Variants in EYA4 observed in about 807,000 individuals in gnomAD.
The protein encoded by EYA4 is EYA transcriptional coactivator and phosphatase 4.
EYA4 carries 31 observed loss-of-function variants against 87.9 expected under a neutral mutation model. The observed-to-expected ratio is 0.35, with a 90% CI of 0.27 to 0.48. The LOEUF is 0.48. Ranked by LOEUF, EYA4 falls within the 20% of genes least tolerant of loss-of-function variation. The probability of loss-of-function intolerance (pLI) is 0.99; values close to 1 mark genes in which losing one functional copy is unlikely to be tolerated. For missense variants in EYA4, 678 were observed against 761.4 expected (o/e 0.89, Z 1.29); for synonymous variants, 263 against 270.6 (o/e 0.97, Z 0.28).
intron 1 of EYA4, among the ~76,000 whole-genome samples, chr6:133,264,808 G>A (rs1262598846): frequency 6.6e-6 from 1 of 152,084 alleles, no homozygotes. Context: ...AGCATGCCTG[G>A]ACAACCTAGG....
intron 14 of EYA4, chr6:133,510,709 G>T: frequency 6.0e-6 from 1 of 167,614 alleles, no homozygotes; most frequent in Non-Finnish European, 1.3e-5. Flanking sequence ...TCCTTGGGCA[G>T]TCTCTGCACT....
intron 2 of EYA4, among the ~76,000 whole-genome samples, chr6:133,292,369 A>G (rs1325952938): frequency 3.9e-5 from 6 of 152,098 alleles, no homozygotes; most frequent in Non-Finnish European, 7.4e-5. Context: ...TGCCAGAGTA[A>G]TTTTTCTTCT....
chr6:133,244,627 TAAA>T (rs5880167), intron 1 of EYA4, among the ~76,000 whole-genome samples: 2 of 145,504 alleles, frequency 1.4e-5, no homozygotes, highest in African/African-American at 2.5e-5. Context: ...CTCTTTGGGT[TAAA>T]AAAAAAAAAG....
chr6:133,253,862 G>C (rs1397315008), intron 1 of EYA4, among the ~76,000 whole-genome samples: 2 of 152,074 alleles, frequency 1.3e-5, no homozygotes, highest in African/African-American at 4.8e-5. Context: ...TCACAGAGGG[G>C]AGAGATCATA....
At chr6:133,348,405 C>T (rs983102491) in intron 2 of EYA4, among the ~76,000 whole-genome samples, 2 of 151,452 alleles carry the variant, frequency 1.3e-5, no homozygotes, top group African/African-American at 4.9e-5. Context: ...TCCTGAGTAG[C>T]TGGCATGCGC....
intron 3 of EYA4, among the ~76,000 whole-genome samples, chr6:133,385,389 C>CTGTGTGTG (rs1189948869): frequency 8.2e-4 from 53 of 64,914 alleles, no homozygotes; most frequent in African/African-American, 1.8e-3. Context: ...TGTATGCTCT[C>CTGTGTGTG]TCTGTGTGTG....
intron 2 of EYA4, among the ~76,000 whole-genome samples, chr6:133,358,751 A>T (rs1241508453): frequency 6.6e-6 from 1 of 152,224 alleles, no homozygotes; most frequent in African/African-American, 2.4e-5. Flanking sequence ...ATGGACATAC[A>T]GAGTGTATGA....
intron 5 of EYA4, among the ~76,000 whole-genome samples, chr6:133,455,039 G>A (rs78044940): frequency 6.8e-4 from 103 of 152,266 alleles, no homozygotes; most frequent in African/African-American, 2.5e-3. Flanking sequence ...AATGGTTATA[G>A]TGATTTGTAT....
chr6:133,376,762 T>C (rs1431223536), intron 2 of EYA4, among the ~76,000 whole-genome samples: 1 of 152,044 alleles, frequency 6.6e-6, no homozygotes, highest in South Asian at 2.1e-4. Flanking sequence ...GAAATTATGG[T>C]ATTTTCTACA....
rs893086291 is a variant in EYA4, at chr6:133,424,841, C to T, written c.84-21789C>T. Among the ~76,000 whole-genome samples the T allele has an allele frequency of 3.3e-5, 5 of 150,914 alleles. No homozygotes were observed. The South Asian group carries it at 8.4e-4, about 25-fold the overall frequency. On this transcript the variant is annotated intron_variant, in intron 3 of 19. Coordinates refer to ENST00000355286, the MANE Select transcript of EYA4 (RefSeq NM_004100.5). ...GGCTACAGTGGCATCCAGGGAGCTC[C>T]CGCCCACTCAGAAGGGATGGGGCTC... is the stretch of plus-strand genomic sequence containing the variant.
At chr6:133,479,012 A>G (rs1374487885) in intron 11 of EYA4, among the ~76,000 whole-genome samples, 2 of 152,178 alleles carry the variant, frequency 1.3e-5, no homozygotes, top group Non-Finnish European at 2.9e-5. Flanking sequence ...AAATTGATCT[A>G]TAATGACTAT....
chr6:133,364,729 G>T (rs1029734995), intron 2 of EYA4, among the ~76,000 whole-genome samples: 2 of 152,170 alleles, frequency 1.3e-5, no homozygotes, highest in African/African-American at 4.8e-5. Context: ...AGAAGCCAGG[G>T]CTGATAGTCA....
intron 2 of EYA4, among the ~76,000 whole-genome samples, chr6:133,281,874 GTT>G (rs1330956074): frequency 6.7e-6 from 1 of 148,156 alleles, no homozygotes; most frequent in African/African-American, 2.5e-5. Context: ...TGTGGTATTT[GTT>G]TTTTTTTTCC....
chr6:133,331,019 C>T (rs1781899604), intron 2 of EYA4, among the ~76,000 whole-genome samples: 1 of 141,340 alleles, frequency 7.1e-6, no homozygotes. Context: ...TTTTGTATAA[C>T]CAAACGGGTT....
intron 2 of EYA4, among the ~76,000 whole-genome samples, chr6:133,292,583 A>G (rs1416394587): frequency 2.0e-5 from 3 of 152,228 alleles, no homozygotes; most frequent in Non-Finnish European, 4.4e-5. Flanking sequence ...CATTGAATGT[A>G]TCAACATTTA....
In EYA4 at chr6:133,529,789, A is replaced by G. The variant is rs1202866812; in HGVS notation, c.*984A>G. Reference sequence around the variant, plus strand: ...TACTTAGAAAGTGAAATGTATGTAGAAGTCTCAAGTACCCCTTCTACAGTT... The same window carrying G: ...TACTTAGAAAGTGAAATGTATGTAGGAGTCTCAAGTACCCCTTCTACAGTT... On this transcript the variant is annotated 3_prime_UTR_variant, in exon 20 of 20. Coordinates refer to ENST00000355286, the MANE Select transcript of EYA4 (RefSeq NM_004100.5). 1 of 984,784 alleles carries G rather than the reference A, an allele frequency of 1.0e-6. No individual in the cohort carries two copies. The highest frequency in any genetic ancestry group is 1.2e-6 in the Non-Finnish European group (1 of 829,434). 61.0% of individuals were successfully genotyped at this position (984,784 alleles called of 1,614,324 possible). A position where few individuals can be genotyped will look rare whatever the true frequency, so the allele number is the denominator to read the frequency against.
intron 2 of EYA4, among the ~76,000 whole-genome samples, chr6:133,365,825 A>T (rs1031721539): frequency 2.0e-5 from 3 of 152,020 alleles, no homozygotes; most frequent in African/African-American, 7.3e-5. Flanking sequence ...TGGTCTCTGG[A>T]TTGGTTAGCT....
At chr6:133,475,904 G>C (rs761241352) in intron 11 of EYA4, among the ~76,000 whole-genome samples, 1 of 152,142 alleles carries the variant, frequency 6.6e-6, no homozygotes, top group Non-Finnish European at 1.5e-5. Flanking sequence ...CAGATGTATC[G>C]CATGGCCTCT....
chr6:133,352,699 A>G (rs1783730233), intron 2 of EYA4, among the ~76,000 whole-genome samples: 1 of 152,206 alleles, frequency 6.6e-6, no homozygotes, highest in Non-Finnish European at 1.5e-5. Flanking sequence ...GTTAATGGAC[A>G]TATCCAGCTG....
Sources: allele counts gnomAD v4.1 joint callset (sites outside exome capture counted in the v4.1 genomes callset), GRCh38; gene constraint gnomAD v4.1.1; transcripts MANE v1.5; gene names NCBI Gene and HGNC (gene_info 2026-07-23, HGNC 2026-07-21).